Variants in ZNF484 observed in about 807,000 individuals in gnomAD.
ZNF484 encodes the protein KRAB box containing C2H2 type zinc finger bA526D8.4.
A neutral mutation model predicts 12.9 loss-of-function variants in ZNF484; 11 were observed. That is an observed-to-expected ratio of 0.85 (90% CI 0.54 to 1.41). The LOEUF is 1.41. ZNF484 is among the 40% of genes most tolerant of loss of function. The probability of loss-of-function intolerance (pLI) is 0.00; values close to 1 mark genes in which losing one functional copy is unlikely to be tolerated. For synonymous variants in ZNF484, 289 were observed against 334.1 expected (o/e 0.86, Z 1.47); for missense variants, 807 against 1,007.7 (o/e 0.80, Z 2.70).
intron 4 of ZNF484, among the ~76,000 whole-genome samples, chr9:92,855,216 G>GA (rs1291157359): frequency 6.6e-6 from 1 of 152,224 alleles, no homozygotes; most frequent in South Asian, 2.1e-4. Context: ...AAATAAATTA[G>GA]AAAGATCAAG....
At chr9:92,875,534 C>T (rs975634860) in intron 1 of ZNF484, among the ~76,000 whole-genome samples, 4 of 152,184 alleles carry the variant, frequency 2.6e-5, no homozygotes, top group African/African-American at 7.2e-5. Context: ...CTGCATCACT[C>T]ATCCTACAAT....
Position 92,869,665 on chromosome 9 carries a change from T to C in ZNF484, c.15+5350A>G, listed in dbSNP as rs544151618. Reference sequence around the variant, plus strand: ...GAGTGTCTGAAAGAGAGCTAATTCCTTCTTTCCATTGTGTTGTCTGTAGAT... The same window carrying C: ...GAGTGTCTGAAAGAGAGCTAATTCCCTCTTTCCATTGTGTTGTCTGTAGAT... On this transcript the variant is annotated intron_variant, in intron 2 of 4. Coordinates refer to ENST00000375495, the MANE Select transcript of ZNF484 (RefSeq NM_031486.4). Among the ~76,000 whole-genome samples, 3 of 152,350 alleles carry C rather than the reference T, an allele frequency of 2.0e-5. No individual in the cohort carries two copies. In the South Asian group the frequency reaches 6.2e-4, roughly 32 times the overall value.
intron 2 of ZNF484, chr9:92,862,253 AT>A: frequency 2.0e-6 from 1 of 493,676 alleles, no homozygotes; most frequent in Non-Finnish European, 2.6e-6. Context: ...CCTGCCATAT[AT>A]TTACTAAGCA....
intron 2 of ZNF484, among the ~76,000 whole-genome samples, chr9:92,864,692 A>C (rs535211450): frequency 6.6e-6 from 1 of 152,346 alleles, no homozygotes; most frequent in East Asian, 1.9e-4. Context: ...AATATAATTC[A>C]TATTTTGAAT....
In ZNF484 at chr9:92,846,940, G is replaced by A. The variant is rs1428965513; in HGVS notation, c.1847C>T (p.Ser616Phe). ...KPYECSICGK[S>F]FTKKSQLHVH... is the part of the protein sequence containing the mutation. ...GTGGAGCTGTGATTTCTTAGTGAAG[G>A]ATTTCCCACAAATACTGCATTCATA... is the stretch of plus-strand genomic sequence containing the variant. The change falls in exon 5 of 5, where the codon TCC (serine) becomes TTC (phenylalanine). Residue 616 changes from serine (S) to phenylalanine (F), a missense_variant. By Grantham distance (155) the Ser-to-Phe change is radical (BLOSUM62 -2). Transcript: ENST00000375495. 6.2e-7 allele frequency: 1 copy of A among 1,613,932 alleles called. No individual in the cohort carries two copies. Among genetic ancestry groups the A allele is most frequent in the African/African-American group, 1.3e-5 (1 of 74,970 alleles).
At chr9:92,856,343 TA>T (rs1267907384) in intron 2 of ZNF484, 25 bp from the exon 3 acceptor site, 10 of 1,499,294 alleles carry the variant, frequency 6.7e-6, no homozygotes, top group Non-Finnish European at 7.1e-6. Flanking sequence ...AAACAAACTT[TA>T]AAATAATTTT....
chr9:92,873,666 T>C (rs530432769), intron 2 of ZNF484, among the ~76,000 whole-genome samples: 7 of 152,332 alleles, frequency 4.6e-5, no homozygotes, highest in East Asian at 1.9e-4. Flanking sequence ...TCCCAGTTTA[T>C]TGTGTGAGGC....
intron 4 of ZNF484, among the ~76,000 whole-genome samples, chr9:92,850,052 C>T (rs1367396493): frequency 4.6e-5 from 7 of 152,176 alleles, no homozygotes; most frequent in Admixed American, 6.5e-5. Context: ...CTGTCCGCCT[C>T]GGCCTCCCAA....
intron 1 of ZNF484, chr9:92,877,685 C>T (rs1403684432): frequency 7.5e-6 from 9 of 1,204,614 alleles, no homozygotes. Context: ...GACAGAGACC[C>T]CCAGTCCGTC....
At chr9:92,875,646 G>A (rs5003738) in intron 1 of ZNF484, among the ~76,000 whole-genome samples, 2 of 151,838 alleles carry the variant, frequency 1.3e-5, no homozygotes, top group South Asian at 4.2e-4. Flanking sequence ...TATGACTACC[G>A]ATCATGCATC....
chr9:92,853,670 T>A lies in ZNF484; in HGVS notation c.235+2141A>T, dbSNP rs115302079. ...CCTGCCTCTAAATGTCCATGATAAC[T>A]TCTAATGTAGGTTAGTTATGTATAG... On this transcript the variant is annotated intron_variant, in intron 4 of 4. Transcript: ENST00000375495. 2.1e-3 allele frequency among the ~76,000 whole-genome samples: 317 copies of A among 152,310 alleles called. 1 individual carries two copies. The highest frequency in any genetic ancestry group is 7.3e-3 in the African/African-American group (304 of 41,564).
chr9:92,870,412 G>GA (rs1857361242), intron 2 of ZNF484, among the ~76,000 whole-genome samples: 1 of 152,230 alleles, frequency 6.6e-6, no homozygotes, highest in Non-Finnish European at 1.5e-5. Flanking sequence ...ACAAAAAACT[G>GA]TGGGCTTGAT....
chr9:92,875,612 C>T lies in ZNF484; in HGVS notation c.-30-553G>A, dbSNP rs1359581287. Among the ~76,000 whole-genome samples, 5 of 152,214 alleles carry T rather than the reference C, an allele frequency of 3.3e-5. No individual in the cohort carries two copies. In the East Asian group the frequency reaches 9.6e-4, roughly 29 times the overall value. On this transcript the variant is annotated intron_variant, in intron 1 of 4. Transcript: ENST00000375495. Reference sequence around the variant, plus strand: ...GGCTCTCTACCAATCAATCCCACATCCCCATGACTGGCCTCTATGCCTGTA... The same window carrying T: ...GGCTCTCTACCAATCAATCCCACATTCCCATGACTGGCCTCTATGCCTGTA...
intron 2 of ZNF484, among the ~76,000 whole-genome samples, chr9:92,871,904 G>A (rs1053373670): frequency 1.3e-5 from 2 of 152,162 alleles, no homozygotes; most frequent in African/African-American, 4.8e-5. Context: ...TTATCTGGGT[G>A]GGCTGAATAT....
intron 2 of ZNF484, among the ~76,000 whole-genome samples, chr9:92,864,416 C>T (rs1856949067): frequency 6.6e-6 from 1 of 151,724 alleles, no homozygotes; most frequent in African/African-American, 2.4e-5. Context: ...TTGAAAATCA[C>T]AAAATGAGAA....
At chr9:92,876,769 T>A (rs1488373093) in intron 1 of ZNF484, among the ~76,000 whole-genome samples, 1 of 152,138 alleles carries the variant, frequency 6.6e-6, no homozygotes, top group African/African-American at 2.4e-5. Flanking sequence ...AAAGCACATA[T>A]AACTGCAAAA....
chr9:92,852,453 C>T (rs548835136), intron 4 of ZNF484, among the ~76,000 whole-genome samples: 36 of 151,660 alleles, frequency 2.4e-4, no homozygotes, highest in African/African-American at 7.8e-4. Context: ...GCCACTATGC[C>T]TGGCTAATTG....
At chr9:92,869,493 G>A (rs1370563136) in intron 2 of ZNF484, among the ~76,000 whole-genome samples, 2 of 152,172 alleles carry the variant, frequency 1.3e-5, no homozygotes, top group African/African-American at 4.8e-5. Context: ...AGGCTAAGGT[G>A]GGCAGATCGC....
At position 92,847,849 on chromosome 9, in the gene ZNF484, G is replaced by A; in HGVS notation, c.938C>T (p.Ser313Phe). The change falls in exon 5 of 5, where the codon TCC becomes TTC. Residue 313 changes from serine to phenylalanine, a missense_variant. Physicochemically the swap from Ser to Phe is radical, Grantham distance 155 (BLOSUM62 -2). Coordinates refer to ENST00000375495, the MANE Select transcript of ZNF484 (RefSeq NM_031486.4). ...GICTEYEKDF[S>F]LKSNRQKTPY... Reference sequence around the variant, plus strand: ...AGTTTTCTGACGGTTTGACTTGAGGGAAAAATCCTTCTCATATTCAGTGCA... The same window carrying A: ...AGTTTTCTGACGGTTTGACTTGAGGAAAAAATCCTTCTCATATTCAGTGCA... The A allele has an allele frequency of 6.2e-7, 1 of 1,614,086 alleles. No homozygotes were observed. The highest frequency in any genetic ancestry group is 1.1e-5 in the South Asian group (1 of 91,082).
Sources: allele counts gnomAD v4.1 joint callset (sites outside exome capture counted in the v4.1 genomes callset), GRCh38; gene constraint gnomAD v4.1.1; transcripts MANE v1.5; gene names NCBI Gene and HGNC (gene_info 2026-07-23, HGNC 2026-07-21).